The following MYT1L variants were observed in gnomAD, a reference collection of about 807,000 sequenced individuals.
MYT1L encodes myelin transcription factor 1 like, also known as myelin transcription factor 1-like protein.
MYT1L carries 12 observed loss-of-function variants against 126.7 expected under a neutral mutation model. The ratio of observed to expected loss-of-function variants is 0.09; its 90% CI spans 0.06 to 0.15. The LOEUF (loss-of-function observed/expected upper bound fraction) is 0.15. Among genes scored for constraint, MYT1L ranks in the 10% least tolerant of loss-of-function variants. MYT1L has a pLI of 1.00. For synonymous variants in MYT1L, 541 were observed against 604.2 expected, an observed-to-expected ratio of 0.90 and a Z score of 1.53; for missense variants, 979 against 1,585.2, an observed-to-expected ratio of 0.62 and a Z score of 6.49.
At chr2:2,315,972 A>G (rs996267666) in intron 1 of MYT1L, among the ~76,000 whole-genome samples, 1 of 152,184 alleles carries the variant, frequency 6.6e-6, no homozygotes. Flanking sequence ...CAATACTTAG[A>G]GAAAAGTTCC....
At chr2:2,054,982 T>C (rs749563368) in intron 3 of MYT1L, among the ~76,000 whole-genome samples, 8 of 152,104 alleles carry the variant, frequency 5.3e-5, no homozygotes, top group Non-Finnish European at 1.0e-4. Flanking sequence ...GATGATGAGA[T>C]GCATGGAGAT....
At chr2:2,198,542 T>C (rs1278926480) in intron 2 of MYT1L, among the ~76,000 whole-genome samples, 3 of 152,134 alleles carry the variant, frequency 2.0e-5, no homozygotes, top group African/African-American at 7.2e-5. Context: ...CATAAACATG[T>C]ACAATTACCA....
At chr2:1,980,882 G>A (rs192256321) in intron 5 of MYT1L, among the ~76,000 whole-genome samples, 70 of 152,208 alleles carry the variant, frequency 4.6e-4, no homozygotes, top group Non-Finnish European at 8.5e-4. Context: ...TCAAGACGAC[G>A]GGGGAGCTAA....
At position 1,806,833 on chromosome 2, in the gene MYT1L, G is replaced by A. The variant is rs1284276552; in HGVS notation, c.3172+2243C>T. 2.0e-5 allele frequency among the ~76,000 whole-genome samples: 3 copies of A among 152,190 alleles called. No individual in the cohort carries two copies. The highest frequency in any genetic ancestry group is 2.9e-5 in the Non-Finnish European group (2 of 68,038). ...CTTCATTAATGGGGAACAAAGGCAC[G>A]TGGACTCGGATCAATTGTCTAAGGA... On this transcript the variant is annotated intron_variant, in intron 22 of 24. Transcript: ENST00000647738. This position sits in a 1 kb window ranked among gnomAD's most constrained non-coding sequence, Gnocchi z 4.9.
chr2:1,917,383 C>A lies in MYT1L; in HGVS notation c.1484-44G>T, dbSNP rs532113563. ...GCCAAGAGAATAAATGTTTACCAAT[C>A]AAAGACAAATGTGATTATTTCACAA... On this transcript the variant is annotated intron_variant, in intron 10 of 24. Transcript: ENST00000647738. The surrounding 1 kb of genome is among the most constrained non-coding windows in gnomAD (Gnocchi z 5.9). 8 of 1,560,070 alleles carry A rather than the reference C, an allele frequency of 5.1e-6. No homozygotes were observed. The Admixed American group carries it at 9.4e-5, about 18-fold the overall frequency.
chr2:2,022,650 C>G (rs1465100391), intron 4 of MYT1L, among the ~76,000 whole-genome samples: 1 of 151,954 alleles, frequency 6.6e-6, no homozygotes, highest in African/African-American at 2.4e-5. Context: ...AGTGTACTTT[C>G]CTTTCTTTCG....
chr2:2,183,124 T>C (rs1457208620), intron 2 of MYT1L, among the ~76,000 whole-genome samples: 8 of 151,658 alleles, frequency 5.3e-5, no homozygotes, highest in Non-Finnish European at 7.4e-5. Context: ...CATGGAGCAG[T>C]TGGAGGGAAG....
intron 18 of MYT1L, among the ~76,000 whole-genome samples, chr2:1,853,134 T>C (rs1344175375): frequency 6.6e-6 from 1 of 152,234 alleles, no homozygotes; most frequent in Admixed American, 6.5e-5. Flanking sequence ...GGTATAGAAG[T>C]GGATGTTTTC....
At chr2:2,159,109 C>T (rs545929210) in intron 3 of MYT1L, among the ~76,000 whole-genome samples, 10 of 152,218 alleles carry the variant, frequency 6.6e-5, no homozygotes, top group South Asian at 2.1e-4. Context: ...AGCAATCAGC[C>T]GGCACGGGGA....
chr2:1,922,179 A>C lies in MYT1L; in HGVS notation c.1483+107T>G. ...GGAATCAACTCTAAGAATGTGCAGT[A>C]GAGACATAATTCAGTGTGAGTCACA... On this transcript the variant is annotated intron_variant, in intron 10 of 24. Coordinates refer to ENST00000647738, the MANE Select transcript of MYT1L (RefSeq NM_001303052.2). The surrounding 1 kb of genome is among the most constrained non-coding windows in gnomAD (Gnocchi z 7.4). 5.1e-6 allele frequency: 7 copies of C among 1,381,622 alleles called. No homozygotes were observed. The highest frequency in any genetic ancestry group is 1.4e-5 in the South Asian group (1 of 70,278). 85.6% of individuals were successfully genotyped at this position (1,381,622 alleles called of 1,614,324 possible).
chr2:2,285,234 G>A (rs1423512399), intron 1 of MYT1L, among the ~76,000 whole-genome samples: 2 of 152,158 alleles, frequency 1.3e-5, no homozygotes, highest in East Asian at 1.9e-4. Flanking sequence ...GGAGTGCATC[G>A]TGAATTGCAT....
At chr2:2,218,214 T>A (rs991035506) in intron 2 of MYT1L, among the ~76,000 whole-genome samples, 6 of 152,196 alleles carry the variant, frequency 3.9e-5, no homozygotes, top group African/African-American at 1.4e-4. Context: ...CACTGCTAGA[T>A]ATTTACCCCA....
At chr2:1,892,949 G>A (rs746242853) in intron 14 of MYT1L, among the ~76,000 whole-genome samples, 1 of 152,092 alleles carries the variant, frequency 6.6e-6, no homozygotes, top group Admixed American at 6.5e-5. Flanking sequence ...GGAGTGAAAC[G>A]GGGAAATGCA....
chr2:2,029,851 C>T (rs1490809244), intron 4 of MYT1L, among the ~76,000 whole-genome samples: 1 of 152,096 alleles, frequency 6.6e-6, no homozygotes, highest in Non-Finnish European at 1.5e-5. Flanking sequence ...CCATATTTGT[C>T]AAAGTCAAAA....
chr2:2,086,818 T>C (rs1231043778), intron 3 of MYT1L, among the ~76,000 whole-genome samples: 3 of 152,336 alleles, frequency 2.0e-5, no homozygotes, highest in African/African-American at 4.8e-5. Flanking sequence ...GCTTCTTCTT[T>C]TTCCTCCTGA....
chr2:2,173,139 C>T (rs1451517186), intron 2 of MYT1L, among the ~76,000 whole-genome samples, 151 bp from the exon 3 acceptor site: 3 of 152,192 alleles, frequency 2.0e-5, no homozygotes, highest in Admixed American at 6.5e-5. Flanking sequence ...TAATTTTACT[C>T]AGAAACCTTG....
chr2:2,098,943 A>T (rs192935523), intron 3 of MYT1L, among the ~76,000 whole-genome samples: 290 of 152,252 alleles, frequency 1.9e-3, no homozygotes, highest in Non-Finnish European at 3.7e-3. Flanking sequence ...TGCACCTCCC[A>T]AAAGGTGTGG....
intron 14 of MYT1L, among the ~76,000 whole-genome samples, chr2:1,895,372 T>C (rs1215278384): frequency 6.6e-6 from 1 of 152,172 alleles, no homozygotes; most frequent in African/African-American, 2.4e-5. Flanking sequence ...AAAATTTCTA[T>C]GAAATCAAAA....
intron 8 of MYT1L, among the ~76,000 whole-genome samples, chr2:1,959,710 A>G (rs2058801362): frequency 6.6e-6 from 1 of 152,124 alleles, no homozygotes; most frequent in Non-Finnish European, 1.5e-5. Context: ...TACAGCTCTC[A>G]GTGCACCATG....
Sources: gnomAD v4.1 joint callset for allele counts (sites outside exome capture counted in the v4.1 genomes callset) on GRCh38, gnomAD v4.1.1 for gene constraint, Gnocchi (gnomAD v3.1) non-coding constraint, MANE v1.5 for transcripts, NCBI Gene and HGNC (gene_info 2026-07-23, HGNC 2026-07-21) for gene names.